Variants in MTMR14 observed in about 807,000 individuals in gnomAD.
The protein encoded by MTMR14 is myotubularin related protein 14, also known as phosphatidylinositol-3,5-bisphosphate 3-phosphatase MTMR14.
MTMR14 carries 48 observed loss-of-function variants against 86.3 expected under a neutral mutation model. That is an observed-to-expected ratio of 0.56 (90% CI 0.44 to 0.71). MTMR14 has a LOEUF of 0.71. Ranked by LOEUF, MTMR14 falls within the 30% of genes least tolerant of loss-of-function variation. The pLI is 0.00. For missense variants in MTMR14, 780 were observed against 834.6 expected, an observed-to-expected ratio of 0.93 and a Z score of 0.81; for synonymous variants, 366 against 326.1, an observed-to-expected ratio of 1.12 and a Z score of -1.32.
intron 17 of MTMR14, among the ~76,000 whole-genome samples, chr3:9,695,553 T>C (rs2076258422): frequency 6.6e-6 from 1 of 152,096 alleles, no homozygotes; most frequent in Non-Finnish European, 1.5e-5. Context: ...TAAAGGGAAG[T>C]GACAAGCCCA....
intron 7 of MTMR14, among the ~76,000 whole-genome samples, chr3:9,676,854 G>A (rs774037005): frequency 2.0e-5 from 3 of 152,212 alleles, no homozygotes; most frequent in African/African-American, 4.8e-5. Flanking sequence ...ATGTTAGGAT[G>A]TTCAGTCTTC....
At chr3:9,655,726 G>A (rs1438105537) in intron 2 of MTMR14, among the ~76,000 whole-genome samples, 1 of 151,510 alleles carries the variant, frequency 6.6e-6, no homozygotes, top group East Asian at 2.0e-4. Context: ...CTCCCTAAGT[G>A]CTGGGATTAT....
chr3:9,685,711 GT>G (rs1198950177), intron 13 of MTMR14, among the ~76,000 whole-genome samples: 1 of 149,304 alleles, frequency 6.7e-6, no homozygotes, highest in Admixed American at 6.7e-5. Flanking sequence ...TTGCCTCCAG[GT>G]CCCCTTTCCT....
intron 9 of MTMR14, among the ~76,000 whole-genome samples, chr3:9,678,967 A>G (rs985230382): frequency 1.3e-5 from 2 of 152,186 alleles, no homozygotes; most frequent in African/African-American, 2.4e-5. Flanking sequence ...CCTCCCTGCT[A>G]GTTTCCCCTG....
chr3:9,697,595 T>C (rs1474310577), intron 17 of MTMR14, 116 bp from the exon 18 acceptor site: 6 of 1,183,532 alleles, frequency 5.1e-6, no homozygotes, highest in African/African-American at 1.5e-5. Flanking sequence ...TTGGAGACAG[T>C]GATTGACAAC....
At chr3:9,670,198 A>G (rs1221825018) in intron 5 of MTMR14, among the ~76,000 whole-genome samples, 2 of 152,262 alleles carry the variant, frequency 1.3e-5, no homozygotes, top group Non-Finnish European at 2.9e-5. Context: ...AGTTAAGATC[A>G]GCTTCCCAAA....
Position 9,688,761 on chromosome 3 carries a change from C to G in MTMR14, c.1294+7C>G, listed in dbSNP as rs777757932. The G allele has an allele frequency of 2.5e-6, 4 of 1,614,054 alleles. No individual in the cohort carries two copies. Among genetic ancestry groups the G allele is most frequent in the Non-Finnish European group, 3.4e-6 (4 of 1,180,010 alleles). On this transcript the variant is annotated splice_region_variant and intron_variant, in intron 15 of 18. Transcript: ENST00000296003. ...GAAGACATCTGCATGCTGAGTGAGT[C>G]CTGGGCCCCAACAGACTTCCCTTCC...
rs1185243280 is a variant in MTMR14 at position 9,702,036 on chromosome 3, G to A, written c.*63G>A. 1 of 1,602,806 alleles carries A rather than the reference G, an allele frequency of 6.2e-7. No individual in the cohort carries two copies. The highest frequency in any genetic ancestry group is 2.2e-5 in the East Asian group (1 of 44,854). On this transcript the variant is annotated 3_prime_UTR_variant, in exon 19 of 19. Coordinates refer to ENST00000296003, the MANE Select transcript of MTMR14 (RefSeq NM_001077525.3). ...GCTGAGCCCTTAGCAGAGAATCAAA[G>A]CCATGCCTGGCCGAAGGGGTACTTC... is the stretch of plus-strand genomic sequence containing the variant.
intron 5 of MTMR14, 37 bp from the exon 6 acceptor site, chr3:9,671,011 A>C (rs1374863619): frequency 1.2e-6 from 2 of 1,613,726 alleles, no homozygotes; most frequent in South Asian, 2.2e-5. Flanking sequence ...GTGAGTGAAC[A>C]TGCCATGTAA....
intron 7 of MTMR14, among the ~76,000 whole-genome samples, chr3:9,674,644 G>T (rs2048755088): frequency 6.6e-6 from 1 of 152,068 alleles, no homozygotes; most frequent in South Asian, 2.1e-4. Context: ...AATAGAAAAT[G>T]CTTACACTTT....
chr3:9,650,689 ATT>A (rs1428314492), intron 1 of MTMR14, among the ~76,000 whole-genome samples: 3 of 152,016 alleles, frequency 2.0e-5, no homozygotes. Context: ...TACTTTTAAA[ATT>A]TGTGCTTATG....
intron 10 of MTMR14, 88 bp from the exon 11 acceptor site, chr3:9,684,497 C>G (rs2075869998): frequency 7.6e-7 from 1 of 1,313,484 alleles, no homozygotes; most frequent in Non-Finnish European, 1.1e-6. Context: ...GCCTGGCTCC[C>G]TCCACCAGGC....
At chr3:9,690,802 T>C (rs2076115856) in intron 17 of MTMR14, among the ~76,000 whole-genome samples, 2 of 152,334 alleles carry the variant, frequency 1.3e-5, no homozygotes, top group East Asian at 3.9e-4. Context: ...CTTTGTGTTC[T>C]AAAGTTTTGA....
chr3:9,690,179 C>G, intron 17 of MTMR14, 36 bp downstream of exon 17: 3 of 1,609,230 alleles, frequency 1.9e-6, no homozygotes, highest in Non-Finnish European at 2.5e-6. Flanking sequence ...TTGGAAGTGC[C>G]TAGCTTTCCC....
chr3:9,681,232 C>T (rs562457395), intron 9 of MTMR14, among the ~76,000 whole-genome samples: 5 of 152,326 alleles, frequency 3.3e-5, no homozygotes, highest in South Asian at 2.1e-4. Flanking sequence ...ATGTGTCTTG[C>T]TGCCCTCCAT....
At chr3:9,667,577 T>C (rs1206395120) in intron 3 of MTMR14, among the ~76,000 whole-genome samples, 1 of 152,128 alleles carries the variant, frequency 6.6e-6, no homozygotes, top group Non-Finnish European at 1.5e-5. Flanking sequence ...GTAGGCTTCC[T>C]CAGTAGGCTT....
intron 10 of MTMR14, 58 bp downstream of exon 10, chr3:9,683,302 C>A: frequency 2.0e-6 from 3 of 1,487,862 alleles, no homozygotes; most frequent in East Asian, 2.3e-5. Flanking sequence ...GTTCCCAGTT[C>A]ATTCTGCCTC....
chr3:9,651,582 A>G lies in MTMR14; in HGVS notation c.159+1840A>G, dbSNP rs545651201. On this transcript the variant is annotated intron_variant, in intron 1 of 18. Transcript: ENST00000296003. ...CTTAGATGTATATATATTTATATGT[A>G]TTTATAACAATTCAGGCAGAACAGG... Among the ~76,000 whole-genome samples the G allele has an allele frequency of 1.7e-3, 261 of 152,296 alleles. 1 individual carries two copies. The highest frequency in any genetic ancestry group is 3.2e-3 in the Non-Finnish European group (215 of 68,032).
At chr3:9,657,668 A>G (rs2047687776) in intron 2 of MTMR14, among the ~76,000 whole-genome samples, 1 of 151,964 alleles carries the variant, frequency 6.6e-6, no homozygotes, top group African/African-American at 2.4e-5. Context: ...CTCCTGCCTC[A>G]GCCTCCCTAG....
Sources: allele counts gnomAD v4.1 joint callset (sites outside exome capture counted in the v4.1 genomes callset), GRCh38; gene constraint gnomAD v4.1.1; transcripts MANE v1.5; gene names NCBI Gene and HGNC (gene_info 2026-07-23, HGNC 2026-07-21).